Variants in APOLD1 observed in about 807,000 individuals in gnomAD.
The protein encoded by APOLD1 is apolipoprotein L domain containing 1, also known as apolipoprotein L domain-containing protein 1.
Under a neutral mutation model 15.3 loss-of-function variants are expected in APOLD1, and 22 were observed. The observed-to-expected ratio is 1.44, with a 90% CI of 1.03 to 2.05. APOLD1 has a LOEUF of 2.05. APOLD1 is among the 30% of genes most tolerant of loss of function. APOLD1 has a pLI of 0.00. For missense variants in APOLD1, 394 were observed against 353.5 expected (o/e 1.11, Z -0.92); for synonymous variants, 190 against 167.4 (o/e 1.13, Z -1.04).
At chr12:12,786,377 G>A (rs988095292) in intron 1 of APOLD1, among the ~76,000 whole-genome samples, 3 of 152,088 alleles carry the variant, frequency 2.0e-5, no homozygotes, top group Non-Finnish European at 4.4e-5. Flanking sequence ...TAACTTAGAT[G>A]TTTCTTCTGC....
At chr12:12,760,759 C>T (rs928195920) in intron 1 of APOLD1, among the ~76,000 whole-genome samples, 7 of 151,822 alleles carry the variant, frequency 4.6e-5, no homozygotes, top group Non-Finnish European at 7.4e-5. Context: ...GAAATATGTG[C>T]AAAATATATG....
At chr12:12,771,027 G>T (rs1946983220) in intron 1 of APOLD1, among the ~76,000 whole-genome samples, 1 of 152,036 alleles carries the variant, frequency 6.6e-6, no homozygotes, top group Non-Finnish European at 1.5e-5. Context: ...TTTAAAAGTG[G>T]CACAGAAATA....
chr12:12,777,905 T>G lies in APOLD1; in HGVS notation c.97-9004T>G, dbSNP rs967781652. ...AGGAAAGGTGTTTTTTTTTTTTTTTTTTTTTTTTTTTTTTTTTTTTGTTGT... is the reference window on the plus strand; with the variant it reads ...AGGAAAGGTGTTTTTTTTTTTTTTTGTTTTTTTTTTTTTTTTTTTTGTTGT... On this transcript the variant is annotated intron_variant, in intron 1 of 1. Coordinates refer to the APOLD1 transcript ENST00000326765. Among the ~76,000 whole-genome samples the G allele has an allele frequency of 7.2e-4, 21 of 29,118 alleles. No homozygotes were observed. In the South Asian group the frequency reaches 0.011, roughly 16 times the overall value. The allele number at this position is 29,118 out of a possible 152,430, so 19.1% of individuals were successfully genotyped here.
chr12:12,751,618 T>C (rs1946812765), intron 1 of APOLD1, among the ~76,000 whole-genome samples: 1 of 132,302 alleles, frequency 7.6e-6, no homozygotes. Flanking sequence ...ACCAAAGTGC[T>C]AGGACTATAG....
chr12:12,785,637 A>G, upstream of APOLD1: 5 of 1,614,200 alleles, frequency 3.1e-6, no homozygotes, highest in Non-Finnish European at 4.2e-6. Context: ...ACTATAAAGC[A>G]CACTCATCCA....
Position 12,726,123 on chromosome 12 carries a change from G to A in APOLD1, c.96+27G>A, listed in dbSNP as rs34323. ...TAGAACTGGGGAGTGCGGGAGGGTG[G>A]AGGTGGCCCGGAAAAGAACACCTCT... On this transcript the variant is annotated intron_variant, in intron 1 of 1. Coordinates refer to the APOLD1 transcript ENST00000326765. The A allele has an allele frequency of 0.6, 811,961 of 1,352,420 alleles. 241,673 individuals carry two copies. The highest frequency in any genetic ancestry group is 0.71 in the African/African-American group (43,937 of 61,724). The allele number at this position is 1,352,420 out of a possible 1,614,324, so 83.8% of individuals were successfully genotyped here. A position where few individuals can be genotyped will look rare whatever the true frequency, so the allele number is the denominator to read the frequency against.
rs1463497120 is a variant in APOLD1, at chr12:12,791,391, C to T, written c.*3739C>T. ...ATGGGGATACAGTTAAATGTAGCAA[C>T]TCTTGAGTTCATTTTTTCCCACTGT... On this transcript the variant is annotated 3_prime_UTR_variant, in exon 2 of 2. Transcript: ENST00000356591. 2 of 152,160 alleles carry T rather than the reference C, an allele frequency of 1.3e-5. No homozygotes were observed. Among genetic ancestry groups the T allele is most frequent in the Non-Finnish European group, 2.9e-5 (2 of 68,032 alleles). 9.4% of individuals were successfully genotyped at this position (152,160 alleles called of 1,614,324 possible).
intron 1 of APOLD1, among the ~76,000 whole-genome samples, chr12:12,726,870 G>A (rs1319469123): frequency 3.3e-5 from 5 of 152,178 alleles, no homozygotes; most frequent in Non-Finnish European, 7.3e-5. Context: ...CCTAACCAGG[G>A]TGGACACTAT....
chr12:12,778,076 A>G (rs368122599), intron 1 of APOLD1, among the ~76,000 whole-genome samples: 81 of 150,208 alleles, frequency 5.4e-4, no homozygotes, highest in African/African-American at 1.6e-3. Context: ...AGGGGTGCAC[A>G]ACCACACCTG....
chr12:12,777,920 T>TG (rs1565436848), intron 1 of APOLD1, among the ~76,000 whole-genome samples: 122 of 129,076 alleles, frequency 9.5e-4, no homozygotes, highest in African/African-American at 3.1e-3. Flanking sequence ...TTTTTTTTTT[T>TG]TTTTTGTTGT....
At chr12:12,748,071 T>C (rs2136378008) in intron 1 of APOLD1, among the ~76,000 whole-genome samples, 1 of 152,340 alleles carries the variant, frequency 6.6e-6, no homozygotes, top group East Asian at 1.9e-4. Context: ...ACTGGCAGGC[T>C]GAAGAGCGTT....
chr12:12,772,379 G>A (rs1422964055), intron 1 of APOLD1, among the ~76,000 whole-genome samples: 2 of 152,176 alleles, frequency 1.3e-5, no homozygotes, highest in Non-Finnish European at 2.9e-5. Context: ...AGGAAAGTGG[G>A]AAGAAAGAGG....
At chr12:12,771,523 T>C in intron 1 of APOLD1, 3 of 513,502 alleles carry the variant, frequency 5.8e-6, no homozygotes, top group South Asian at 4.3e-5. Flanking sequence ...ATTATCTCAT[T>C]TTGTCCATCC....
In APOLD1 at chr12:12,750,099, G is replaced by A. The variant is rs551090118; in HGVS notation, c.96+24003G>A. On this transcript the variant is annotated intron_variant, in intron 1 of 1. Coordinates refer to the APOLD1 transcript ENST00000326765. The stretch of plus-strand genomic sequence containing the variant: ...AAGAAATTGGGAAAGATGGCCGGGC[G>A]CGGTGGCTCACGCCTGTAATCCCAG... Among the ~76,000 whole-genome samples the A allele has an allele frequency of 1.0e-3, 152 of 152,272 alleles. 1 individual carries two copies. Among genetic ancestry groups the A allele is most frequent in the Admixed American group, 1.7e-3 (26 of 15,298 alleles).
intron 1 of APOLD1, among the ~76,000 whole-genome samples, chr12:12,759,256 GT>G (rs547772868): frequency 6.6e-6 from 1 of 152,004 alleles, no homozygotes; most frequent in African/African-American, 2.4e-5. Context: ...TGCTATAGTT[GT>G]TTTTTTTAAA....
intron 1 of APOLD1, among the ~76,000 whole-genome samples, chr12:12,731,122 C>T (rs1946638044): frequency 6.6e-6 from 1 of 152,170 alleles, no homozygotes; most frequent in Non-Finnish European, 1.5e-5. Flanking sequence ...GCCTGGGCGA[C>T]AGAGCAAGAC....
At chr12:12,746,837 T>C (rs1347219348) in intron 1 of APOLD1, among the ~76,000 whole-genome samples, 2 of 152,120 alleles carry the variant, frequency 1.3e-5, no homozygotes, top group South Asian at 2.1e-4. Context: ...TATTCTTATT[T>C]TTATGTCTGT....
At chr12:12,750,176 C>T (rs138689227) in intron 1 of APOLD1, among the ~76,000 whole-genome samples, 6 of 152,118 alleles carry the variant, frequency 3.9e-5, no homozygotes, top group South Asian at 2.1e-4. Context: ...AGTTCGAGAC[C>T]GGCCTGACCA....
chr12:12,734,109 A>G (rs529973710), intron 1 of APOLD1, among the ~76,000 whole-genome samples: 4 of 152,168 alleles, frequency 2.6e-5, no homozygotes, highest in African/African-American at 9.7e-5. Context: ...GTTTGTGTAC[A>G]TGGTTTGGCT....
Sources: allele counts gnomAD v4.1 joint callset (sites outside exome capture counted in the v4.1 genomes callset), GRCh38; gene constraint gnomAD v4.1.1; transcripts MANE v1.5; gene names NCBI Gene and HGNC (gene_info 2026-07-23, HGNC 2026-07-21).